KHDRBS2: variants seen among roughly 807,000 people sequenced by gnomAD.
The protein encoded by KHDRBS2 is KH RNA binding domain containing, signal transduction associated 2.
In KHDRBS2, 26 loss-of-function variants were observed where a neutral mutation model predicts 44.3. The ratio of observed to expected loss-of-function variants is 0.59; its 90% confidence interval spans 0.43 to 0.81. KHDRBS2 has a LOEUF of 0.81. KHDRBS2 is among the 40% of genes least tolerant of loss of function. The pLI is 0.00. For synonymous variants in KHDRBS2, 194 were observed against 151.1 expected, an observed-to-expected ratio of 1.28 and a Z score of -2.08; for missense variants, 476 against 433.1, an observed-to-expected ratio of 1.10 and a Z score of -0.88.
rs377639534 is a variant in KHDRBS2, at chr6:61,837,559, T to G, written c.810+57076A>C. 2.2e-4 allele frequency among the ~76,000 whole-genome samples: 33 copies of G among 152,138 alleles called. No homozygotes were observed. The Middle Eastern group carries it at 0.01, about 47-fold the overall frequency. The stretch of plus-strand genomic sequence containing the variant: ...ATGCTGCCTTACTTTCCCTTTCCTC[T>G]AATGTCATAATTATGGGTCATAATG... On this transcript the variant is annotated intron_variant, in intron 6 of 8. Coordinates refer to ENST00000281156, the MANE Select transcript of KHDRBS2 (RefSeq NM_152688.4).
intron 2 of KHDRBS2, among the ~76,000 whole-genome samples, chr6:62,083,813 T>C (rs532821863): frequency 1.3e-5 from 2 of 152,184 alleles, no homozygotes; most frequent in Non-Finnish European, 2.9e-5. Flanking sequence ...CTATTATACA[T>C]ACTTTTGTAT....
chr6:61,677,286 G>A (rs1032961283), downstream of KHDRBS2, among the ~76,000 whole-genome samples: 1 of 151,860 alleles, frequency 6.6e-6, no homozygotes, highest in African/African-American at 2.4e-5. Context: ...GTTTGAAATG[G>A]ATAAAAGAGA....
At chr6:61,963,829 A>T (rs1024963924) in intron 4 of KHDRBS2, among the ~76,000 whole-genome samples, 15 of 152,170 alleles carry the variant, frequency 9.9e-5, no homozygotes, top group African/African-American at 3.6e-4. Flanking sequence ...CTCGATAACT[A>T]AAGGAGATAA....
At chr6:62,110,045 C>T (rs189766652) in intron 2 of KHDRBS2, among the ~76,000 whole-genome samples, 56 of 151,798 alleles carry the variant, frequency 3.7e-4, no homozygotes, top group South Asian at 1.9e-3. Flanking sequence ...TGATCTTCAT[C>T]AAAATTAAAA....
At chr6:61,656,112 A>G in the KHDRBS2 span, among the ~76,000 whole-genome samples, 1 of 152,054 alleles carries the variant, frequency 6.6e-6, no homozygotes. Context: ...AAGAGATTTG[A>G]TGTGATTTCA....
the KHDRBS2 span, among the ~76,000 whole-genome samples, chr6:61,598,830 TTCTTTTC>T: frequency 0.3 from 19,955 of 66,286 alleles, 2,324 homozygotes; most frequent in African/African-American, 0.38. Context: ...GTGTCCTTTT[TTCTTTTC>T]TTTTTTTTTT....
At chr6:61,639,050 T>A in the KHDRBS2 span, among the ~76,000 whole-genome samples, 3 of 152,166 alleles carry the variant, frequency 2.0e-5, no homozygotes, top group Non-Finnish European at 4.4e-5. Context: ...TAAATTATCT[T>A]GTGAATTTGC....
chr6:62,236,081 T>C (rs747054466), intron 1 of KHDRBS2, among the ~76,000 whole-genome samples: 33 of 152,132 alleles, frequency 2.2e-4, no homozygotes, highest in Non-Finnish European at 4.3e-4. Flanking sequence ...TAATTCATTT[T>C]CAAAATAATT....
chr6:61,684,715 C>A (rs898086579), intron 8 of KHDRBS2, among the ~76,000 whole-genome samples: 1 of 151,732 alleles, frequency 6.6e-6, no homozygotes, highest in South Asian at 2.1e-4. Context: ...ATAACAAATT[C>A]CTCCTCAAAA....
At position 61,775,133 on chromosome 6, in the gene KHDRBS2, G is replaced by T. The variant is rs1374639839; in HGVS notation, c.811-42369C>A. 2.0e-5 allele frequency among the ~76,000 whole-genome samples: 3 copies of T among 152,102 alleles called. No homozygotes were observed. In the East Asian group the frequency reaches 5.8e-4, roughly 29 times the overall value. ...CTCTCAATAAATTAGGTATGGATGG[G>T]ATGTATCTCAAAATAATAAGAGCTA... On this transcript the variant is annotated intron_variant, in intron 6 of 8. Coordinates refer to ENST00000281156, the MANE Select transcript of KHDRBS2 (RefSeq NM_152688.4).
chr6:62,187,616 C>A (rs1349874619), intron 1 of KHDRBS2, among the ~76,000 whole-genome samples: 1 of 152,086 alleles, frequency 6.6e-6, no homozygotes, highest in Non-Finnish European at 1.5e-5. Flanking sequence ...GACTCCATCA[C>A]TGCAATTAGT....
chr6:61,922,277 A>G (rs982024276), intron 4 of KHDRBS2, among the ~76,000 whole-genome samples: 2 of 152,070 alleles, frequency 1.3e-5, no homozygotes, highest in African/African-American at 4.8e-5. Flanking sequence ...TCCCTGAAGT[A>G]TGGGGAACAA....
In KHDRBS2 at chr6:61,894,955, CTCTG is replaced by C. The variant is rs954544775; in HGVS notation, c.612-126_612-123del. The C allele has an allele frequency of 1.8e-4, 114 of 635,432 alleles. 1 individual carries two copies. Among genetic ancestry groups the C allele is most frequent in the African/African-American group, 1.7e-3 (94 of 54,274 alleles). The allele number at this position is 635,432 out of a possible 1,614,324, so 39.4% of individuals were successfully genotyped here. A position where few individuals can be genotyped will look rare whatever the true frequency, so the allele number is the denominator to read the frequency against. Reference sequence around the variant, plus strand: ...AATAAATACAAATTTCTCTCTCTCTCTCTGTGTGTGTGTGTGTGTATGCATTTAA... The same window carrying C: ...AATAAATACAAATTTCTCTCTCTCTCTGTGTGTGTGTGTGTATGCATTTAA... On this transcript the variant is annotated intron_variant, in intron 5 of 8. Transcript: ENST00000281156.
At chr6:61,919,848 A>T (rs1157602481) in intron 4 of KHDRBS2, among the ~76,000 whole-genome samples, 2 of 151,906 alleles carry the variant, frequency 1.3e-5, no homozygotes, top group East Asian at 3.9e-4. Context: ...TGTAATATCT[A>T]CTATTCTACA....
At chr6:61,944,571 G>C (rs182279555) in intron 4 of KHDRBS2, among the ~76,000 whole-genome samples, 1 of 151,968 alleles carries the variant, frequency 6.6e-6, no homozygotes, top group Non-Finnish European at 1.5e-5. Flanking sequence ...GAAGAAATGC[G>C]TTCTAATATT....
intron 6 of KHDRBS2, among the ~76,000 whole-genome samples, chr6:61,833,300 A>T (rs1792127248): frequency 6.6e-6 from 1 of 152,178 alleles, no homozygotes; most frequent in Non-Finnish European, 1.5e-5. Context: ...CATTTTTCAC[A>T]TTACCTATAT....
intron 6 of KHDRBS2, among the ~76,000 whole-genome samples, chr6:61,766,135 A>T (rs1044394795): frequency 6.6e-6 from 1 of 151,752 alleles, no homozygotes; most frequent in Non-Finnish European, 1.5e-5. Flanking sequence ...AAGACTTTTC[A>T]TTATAGCTTC....
chr6:62,013,910 C>A (rs988714466), intron 3 of KHDRBS2, among the ~76,000 whole-genome samples: 2 of 152,168 alleles, frequency 1.3e-5, no homozygotes, highest in African/African-American at 4.8e-5. Context: ...GAGGTGCTAG[C>A]AACCACAGGA....
At chr6:61,846,665 T>G (rs1794462384) in intron 6 of KHDRBS2, among the ~76,000 whole-genome samples, 1 of 152,150 alleles carries the variant, frequency 6.6e-6, no homozygotes, top group Non-Finnish European at 1.5e-5. Context: ...TTATAACTCA[T>G]TTTTCTCAAA....
Sources: allele counts gnomAD v4.1 joint callset (sites outside exome capture counted in the v4.1 genomes callset), GRCh38; gene constraint gnomAD v4.1.1; transcripts MANE v1.5; gene names NCBI Gene and HGNC (gene_info 2026-07-23, HGNC 2026-07-21).